The following SLC4A8 variants were observed in gnomAD, a reference collection of about 807,000 sequenced individuals.
The protein encoded by SLC4A8 is solute carrier family 4 member 8, also known as electroneutral sodium bicarbonate exchanger 1.
A neutral mutation model predicts 125.0 loss-of-function variants in SLC4A8; 40 were observed. The ratio of observed to expected loss-of-function variants is 0.32; its 90% confidence interval spans 0.25 to 0.42. The LOEUF (loss-of-function observed/expected upper bound fraction) is 0.42, where lower values mean the gene tolerates loss of function less well. Among genes scored for constraint, SLC4A8 ranks in the 10% least tolerant of loss-of-function variants. The pLI, the probability that SLC4A8 is intolerant of heterozygous loss-of-function variation, is 1.00. For synonymous variants in SLC4A8, 456 were observed against 476.0 expected (o/e 0.96, Z 0.55); for missense variants, 863 against 1,355.1 (o/e 0.64, Z 5.70).
chr12:51,435,588 C>T lies in SLC4A8; in HGVS notation c.49-5120C>T, dbSNP rs140187614. 2.0e-3 allele frequency among the ~76,000 whole-genome samples: 307 copies of T among 151,966 alleles called. 2 individuals carry two copies. The highest frequency in any genetic ancestry group is 6.9e-3 in the African/African-American group (285 of 41,440). ...GCCTGGGCAACATAGTGAGACCGCC[C>T]GCCCCAACTCCGCCACCTCTCTATT... On this transcript the variant is annotated intron_variant, in intron 1 of 24. Coordinates refer to ENST00000453097, the MANE Select transcript of SLC4A8 (RefSeq NM_001039960.3).
chr12:51,451,072 G>A (rs1314207052), intron 3 of SLC4A8, 50 bp downstream of exon 3: 4 of 1,378,666 alleles, frequency 2.9e-6, no homozygotes, highest in Non-Finnish European at 3.8e-6. Context: ...GGGGAATGGG[G>A]AGGCTGAGGG....
At chr12:51,491,070 T>C (rs2138402702) in intron 19 of SLC4A8, among the ~76,000 whole-genome samples, 1 of 152,146 alleles carries the variant, frequency 6.6e-6, no homozygotes, top group African/African-American at 2.4e-5. Flanking sequence ...AAGAAACCTG[T>C]TAGGTTTCTG....
At chr12:51,394,865 A>G (rs1490836953) in intron 1 of SLC4A8, among the ~76,000 whole-genome samples, 1 of 152,180 alleles carries the variant, frequency 6.6e-6, no homozygotes, top group Admixed American at 6.5e-5. Flanking sequence ...TGATAGTGAA[A>G]AAATGAAAAT....
At chr12:51,436,822 T>C (rs1949435785) in intron 1 of SLC4A8, among the ~76,000 whole-genome samples, 1 of 152,170 alleles carries the variant, frequency 6.6e-6, no homozygotes, top group Non-Finnish European at 1.5e-5. Context: ...AGATGGGGTT[T>C]CACCATGTTG....
At position 51,450,947 on chromosome 12, in the gene SLC4A8, G is replaced by A. The variant is rs775513957; in HGVS notation, c.202G>A (p.Gly68Ser). The change falls in exon 3 of 25, where the codon GGC becomes AGC. Residue 68 changes from glycine (G) to serine (S), a missense_variant. Physicochemically the swap from Gly to Ser is moderately conservative, Grantham distance 56. Around this residue, in one of 6 missense-constraint regions of SLC4A8, gnomAD observed 104 missense variants for 116.4 expected, o/e 0.89. Transcript: ENST00000453097. ...RQSHRHHRTH[G>S]QKHRRRGRGK... ...GAGCCATCGGCATCACCGCACTCAT[G>A]GCCAGAAGCACCGGAGACGAGGGCG... 3.3e-5 allele frequency: 53 copies of A among 1,605,964 alleles called. 1 individual carries two copies. In the Admixed American group the frequency reaches 8.4e-4, roughly 26 times the overall value.
chr12:51,433,875 T>TG lies in SLC4A8; in HGVS notation c.49-6833_49-6832insG, dbSNP rs1319346881. Among the ~76,000 whole-genome samples, 165 of 32,776 alleles carry TG rather than the reference T, an allele frequency of 5.0e-3. 6 individuals carry two copies. Among genetic ancestry groups the TG allele is most frequent in the Non-Finnish European group, 8.9e-3 (134 of 15,058 alleles). The allele number at this position is 32,776 out of a possible 152,430, so 21.5% of individuals were successfully genotyped here. ...TGTTTTTTTTTTTTTTTTTTTTTTT[T>TG]TTTGGTTGGTTTTTTTTTGAGACAG... On this transcript the variant is annotated intron_variant, in intron 1 of 24. Transcript: ENST00000453097.
intron 21 of SLC4A8, among the ~76,000 whole-genome samples, chr12:51,496,436 T>C (rs1292684576): frequency 6.6e-6 from 1 of 152,192 alleles, no homozygotes; most frequent in Non-Finnish European, 1.5e-5. Flanking sequence ...AGTCACTTTC[T>C]CTCTCTGGGC....
At chr12:51,419,823 T>G (rs893889602) in intron 1 of SLC4A8, among the ~76,000 whole-genome samples, 1 of 152,232 alleles carries the variant, frequency 6.6e-6, no homozygotes, top group Admixed American at 6.5e-5. Flanking sequence ...AAAGTGTAAC[T>G]GAGTGTGGTG....
At chr12:51,461,423 G>T (rs1170101156) in intron 9 of SLC4A8, 132 bp downstream of exon 9, 2 of 605,584 alleles carry the variant, frequency 3.3e-6, no homozygotes, top group African/African-American at 3.7e-5. Context: ...GTAGTTCAGG[G>T]TACTTCTCTG....
chr12:51,490,367 A>G (rs1306978666), intron 19 of SLC4A8, among the ~76,000 whole-genome samples: 1 of 151,878 alleles, frequency 6.6e-6, no homozygotes, highest in African/African-American at 2.4e-5. Flanking sequence ...CATCCTGGCT[A>G]ACACAGTGAA....
At chr12:51,482,880 A>G (rs1208702361) in intron 16 of SLC4A8, among the ~76,000 whole-genome samples, 2 of 152,152 alleles carry the variant, frequency 1.3e-5, no homozygotes, top group Non-Finnish European at 2.9e-5. Context: ...CTGAAAACCA[A>G]TGTATATGTA....
At chr12:51,409,928 T>TA (rs1259124345) in intron 1 of SLC4A8, among the ~76,000 whole-genome samples, 2 of 152,290 alleles carry the variant, frequency 1.3e-5, no homozygotes, top group African/African-American at 2.4e-5. Context: ...GTATGGGAAA[T>TA]ACGTGGAAAT....
upstream of SLC4A8, among the ~76,000 whole-genome samples, chr12:51,423,305 G>T (rs1948835006): frequency 6.6e-6 from 1 of 152,172 alleles, no homozygotes; most frequent in Non-Finnish European, 1.5e-5. Flanking sequence ...TCTGTTAGGG[G>T]TATCAGGGAC....
Position 51,452,673 on chromosome 12 carries a change from GCAGTCA to G in SLC4A8, c.413+418_413+423del, listed in dbSNP as rs1256296527. The stretch of plus-strand genomic sequence containing the variant: ...TGAACCACAGGGTTCAAATTCACCA[GCAGTCA>G]CAGAGTTTTTGAGACTTTAACTTCC... On this transcript the variant is annotated intron_variant, in intron 4 of 24. Coordinates refer to ENST00000453097, the MANE Select transcript of SLC4A8 (RefSeq NM_001039960.3). Among the ~76,000 whole-genome samples, 4 of 152,194 alleles carry G rather than the reference GCAGTCA, an allele frequency of 2.6e-5. No homozygotes were observed. The East Asian group carries it at 7.7e-4, about 29-fold the overall frequency.
intron 1 of SLC4A8, among the ~76,000 whole-genome samples, chr12:51,432,853 G>A (rs1241727631): frequency 1.3e-5 from 2 of 152,166 alleles, no homozygotes; most frequent in African/African-American, 2.4e-5. Flanking sequence ...AGTGGTGGGA[G>A]TGAAGTAGAA....
At position 51,436,457 on chromosome 12, in the gene SLC4A8, T is replaced by G. The variant is rs150006619; in HGVS notation, c.49-4251T>G. ...TTGATTTTGGGGAATTACTTTAAAA[T>G]TTTTAATTTTACATTATGTAAATTA... On this transcript the variant is annotated intron_variant, in intron 1 of 24. Transcript: ENST00000453097. Among the ~76,000 whole-genome samples the G allele has an allele frequency of 2.0e-5, 3 of 152,304 alleles. No individual in the cohort carries two copies. The East Asian group carries it at 5.8e-4, about 29-fold the overall frequency.
chr12:51,437,267 A>T (rs1949450798), intron 1 of SLC4A8, among the ~76,000 whole-genome samples: 1 of 152,250 alleles, frequency 6.6e-6, no homozygotes, highest in South Asian at 2.1e-4. Flanking sequence ...ACAAAATAGT[A>T]ACTTTGGAAC....
Position 51,475,083 on chromosome 12 carries a change from G to T in SLC4A8, c.2049G>T (p.Ala683=), listed in dbSNP as rs559155571. 3.7e-6 allele frequency: 6 copies of T among 1,613,852 alleles called. No homozygotes were observed. In the East Asian group the frequency reaches 8.9e-5, roughly 24 times the overall value. Residue 683 remains alanine, a synonymous_variant, in exon 16 of 25, where the codon GCG becomes GCT. Coordinates refer to ENST00000453097, the MANE Select transcript of SLC4A8 (RefSeq NM_001039960.3). The stretch of plus-strand genomic sequence containing the variant: ...TGCATGGAGAGTTCATGGGATCTGC[G>T]TGCGGCCATCATGGACCCTACACTC... ...QEMHGEFMGS[A]CGHHGPYTPD... is the part of the protein sequence containing the mutation.
intron 8 of SLC4A8, 31 bp downstream of exon 8, chr12:51,460,139 A>G (rs1265407204): frequency 1.9e-6 from 3 of 1,589,220 alleles, no homozygotes; most frequent in Non-Finnish European, 2.6e-6. Flanking sequence ...CATGCATTCT[A>G]TCCAAAATTC....
Sources: gnomAD v4.1 joint callset for allele counts (sites outside exome capture counted in the v4.1 genomes callset) on GRCh38, gnomAD v4.1.1 for gene constraint, gnomAD v4.1.1 regional missense constraint, MANE v1.5 for transcripts, NCBI Gene and HGNC (gene_info 2026-07-23, HGNC 2026-07-21) for gene names.